The following CLIP1 variants were observed in gnomAD, a reference collection of about 807,000 sequenced individuals.
The protein encoded by CLIP1 is CAP-Gly domain containing linker protein 1, also known as CAP-Gly domain-containing linker protein 1.
CLIP1 carries 66 observed loss-of-function variants against 161.6 expected under a neutral mutation model. The ratio of observed to expected loss-of-function variants is 0.41; its 90% CI spans 0.33 to 0.50. The LOEUF (loss-of-function observed/expected upper bound fraction) is 0.50, where lower values mean the gene tolerates loss of function less well. Ranked by LOEUF, CLIP1 falls within the 20% of genes least tolerant of loss-of-function variation. CLIP1 has a pLI of 0.27. For missense variants in CLIP1, 1,376 were observed against 1,702.0 expected (o/e 0.81, Z 3.37); for synonymous variants, 598 against 626.2 (o/e 0.96, Z 0.67).
intron 20 of CLIP1, among the ~76,000 whole-genome samples, chr12:122,303,043 T>C (rs1160554329): frequency 6.6e-6 from 1 of 152,222 alleles, no homozygotes; most frequent in African/African-American, 2.4e-5. Context: ...TTCCTTTATA[T>C]TTTAAGAAAT....
At chr12:122,363,102 A>G (rs1297758961) in intron 4 of CLIP1, among the ~76,000 whole-genome samples, 1 of 152,232 alleles carries the variant, frequency 6.6e-6, no homozygotes, top group African/African-American at 2.4e-5. Context: ...AATGCATCAT[A>G]GACAACACCT....
chr12:122,314,583 C>T (rs1292439370), intron 19 of CLIP1, among the ~76,000 whole-genome samples: 1 of 152,198 alleles, frequency 6.6e-6, no homozygotes, highest in Non-Finnish European at 1.5e-5. Flanking sequence ...CCTGCCCCTC[C>T]ATCACCTAGT....
chr12:122,352,308 C>T (rs181048332), intron 8 of CLIP1, among the ~76,000 whole-genome samples: 14 of 152,130 alleles, frequency 9.2e-5, no homozygotes, highest in Non-Finnish European at 7.4e-5. Flanking sequence ...CCACCTACCT[C>T]GGCCTCCCAA....
chr12:122,343,536 A>G (rs1328580256), intron 10 of CLIP1: 2 of 152,214 alleles, frequency 1.3e-5, no homozygotes, highest in Non-Finnish European at 2.9e-5. Context: ...TAATTCTATC[A>G]GCATTTTGAT....
chr12:122,336,830 G>T (rs1323423125), intron 11 of CLIP1, 82 bp from the exon 12 acceptor site: 2 of 583,556 alleles, frequency 3.4e-6, no homozygotes, highest in Non-Finnish European at 5.7e-6. Flanking sequence ...ATAAACAAAT[G>T]TAAAAAACTT....
intron 1 of CLIP1, among the ~76,000 whole-genome samples, chr12:122,385,028 G>A (rs1210627874): frequency 6.6e-6 from 1 of 151,192 alleles, no homozygotes; most frequent in Non-Finnish European, 1.5e-5. Context: ...TGCCTCCCAG[G>A]TTCAAGCGAT....
chr12:122,330,105 A>G (rs1053506514), intron 15 of CLIP1, among the ~76,000 whole-genome samples: 3 of 152,128 alleles, frequency 2.0e-5, no homozygotes, highest in Non-Finnish European at 4.4e-5. Flanking sequence ...CAACAAGAGC[A>G]AAGCTCCGTC....
Position 122,341,612 on chromosome 12 carries a change from C to A in CLIP1, c.1592G>T (p.Arg531Ile). 8 of 1,613,474 alleles carry A rather than the reference C, an allele frequency of 5.0e-6. No homozygotes were observed. The highest frequency in any genetic ancestry group is 6.8e-6 in the Non-Finnish European group (8 of 1,180,010). ...LRVQEVAELR[R>I]RLESNKPAGD... Reference sequence around the variant, plus strand: ...AGCAGGCTTATTGGACTCTAGCCTTCTTCGGAGCTCAGCTACTTCCTGTAC... The same window carrying A: ...AGCAGGCTTATTGGACTCTAGCCTTATTCGGAGCTCAGCTACTTCCTGTAC... Residue 531 changes from arginine to isoleucine, a missense_variant, in exon 11 of 26, where the codon AGA (arginine) becomes ATA (isoleucine). Physicochemically the swap from Arg to Ile is moderately conservative, Grantham distance 97. Coordinates refer to ENST00000620786, the MANE Select transcript of CLIP1 (RefSeq NM_001247997.2).
At chr12:122,316,215 C>CTT (rs879515742) in intron 19 of CLIP1, among the ~76,000 whole-genome samples, 85 of 141,976 alleles carry the variant, frequency 6.0e-4, no homozygotes, top group African/African-American at 1.9e-3. Context: ...CGAGTCACTT[C>CTT]TTTTTTTTTT....
intron 11 of CLIP1, among the ~76,000 whole-genome samples, chr12:122,339,230 A>G (rs10846664): frequency 0.78 from 119,230 of 152,164 alleles, 47,028 homozygotes; most frequent in East Asian, 0.85. Flanking sequence ...GGGACAGATC[A>G]TGTTCTCATT....
In CLIP1 at chr12:122,311,435, T is replaced by TA. The variant is rs1461143883; in HGVS notation, c.3474-1554_3474-1553insT. On this transcript the variant is annotated intron_variant, in intron 19 of 25. Transcript: ENST00000620786. The surrounding 1 kb of genome is among the most constrained non-coding windows in gnomAD (Gnocchi z 4.3). ...CAAAATTATTATTATTATTATTTTT[T>TA]TTTTTTTGAGACAGAGTCTCGCTCT... Among the ~76,000 whole-genome samples the TA allele has an allele frequency of 4.7e-3, 713 of 150,906 alleles. 5 individuals are homozygous for TA. The highest frequency in any genetic ancestry group is 7.6e-3 in the Non-Finnish European group (508 of 67,200).
intron 5 of CLIP1, among the ~76,000 whole-genome samples, chr12:122,358,577 C>CTTCTTAG (rs1346918237): frequency 6.6e-6 from 1 of 152,042 alleles, no homozygotes; most frequent in Admixed American, 6.6e-5. Flanking sequence ...AGCTATTTTA[C>CTTCTTAG]CTTCAGTGAG....
At position 122,319,107 on chromosome 12, in the gene CLIP1, C is replaced by A. The variant is rs1004949587; in HGVS notation, c.3366+125G>T. On this transcript the variant is annotated intron_variant, in intron 18 of 25. Coordinates refer to ENST00000620786, the MANE Select transcript of CLIP1 (RefSeq NM_001247997.2). The stretch of plus-strand genomic sequence containing the variant: ...TTATTTAAGATTATCGTGGCTCTGG[C>A]ATGCATTTCAAACCTGTGTAAAGTC... 9.0e-6 allele frequency: 6 copies of A among 663,276 alleles called. No individual in the cohort carries two copies. The African/African-American group carries it at 1.1e-4, about 12-fold the overall frequency. 41.1% of individuals were successfully genotyped at this position (663,276 alleles called of 1,614,324 possible).
intron 4 of CLIP1, among the ~76,000 whole-genome samples, chr12:122,362,180 C>T (rs954530602): frequency 1.3e-5 from 2 of 151,220 alleles, no homozygotes; most frequent in Non-Finnish European, 2.9e-5. Context: ...TCTCGAACTC[C>T]TGATCTCGTG....
intron 21 of CLIP1, among the ~76,000 whole-genome samples, chr12:122,282,047 C>T (rs913712752): frequency 1.3e-5 from 2 of 152,192 alleles, no homozygotes; most frequent in African/African-American, 2.4e-5. Flanking sequence ...CACACACACA[C>T]ACAACCTCTC....
At chr12:122,329,290 G>A (rs1951836589) in intron 15 of CLIP1, among the ~76,000 whole-genome samples, 1 of 152,126 alleles carries the variant, frequency 6.6e-6, no homozygotes, top group South Asian at 2.1e-4. Flanking sequence ...TCGCATCACT[G>A]CAGTCCAGCC....
chr12:122,407,036 A>G lies in CLIP1; in HGVS notation c.-107+15485T>C, dbSNP rs543514577. Among the ~76,000 whole-genome samples, 3 of 152,330 alleles carry G rather than the reference A, an allele frequency of 2.0e-5. No individual in the cohort carries two copies. In the East Asian group the frequency reaches 5.8e-4, roughly 29 times the overall value. ...AAATTCCTGTGACTTTGTAACTCTA[A>G]CACATACCACTAGCTTAAGACACAG... On this transcript the variant is annotated intron_variant, in intron 1 of 25. Coordinates refer to ENST00000620786, the MANE Select transcript of CLIP1 (RefSeq NM_001247997.2).
intron 3 of CLIP1, among the ~76,000 whole-genome samples, chr12:122,371,479 T>C (rs922080656): frequency 3.9e-5 from 6 of 152,214 alleles, no homozygotes; most frequent in Non-Finnish European, 7.3e-5. Flanking sequence ...AAAGCCAACG[T>C]TGCAGGCAGA....
At chr12:122,324,748 A>G (rs1261015734) in intron 17 of CLIP1, among the ~76,000 whole-genome samples, 2 of 152,218 alleles carry the variant, frequency 1.3e-5, no homozygotes, top group African/African-American at 4.8e-5. Flanking sequence ...GGATTCATAG[A>G]ACAATTTTTA....
Sources: gnomAD v4.1 joint callset for allele counts (sites outside exome capture counted in the v4.1 genomes callset) on GRCh38, gnomAD v4.1.1 for gene constraint, Gnocchi (gnomAD v3.1) non-coding constraint, MANE v1.5 for transcripts, NCBI Gene and HGNC (gene_info 2026-07-23, HGNC 2026-07-21) for gene names.